Variants in ADGRG6 observed in about 807,000 individuals in gnomAD.
The protein encoded by ADGRG6 is G-protein coupled receptor 126.
Under a neutral mutation model 142.4 loss-of-function variants are expected in ADGRG6, and 84 were observed. The observed-to-expected ratio is 0.59, with a 90% CI of 0.49 to 0.71. ADGRG6 has a LOEUF of 0.71. ADGRG6 is among the 30% of genes least tolerant of loss of function. ADGRG6 has a pLI of 0.00. For missense variants in ADGRG6, 1,367 were observed against 1,466.6 expected, an observed-to-expected ratio of 0.93 and a Z score of 1.11; for synonymous variants, 521 against 520.5, an observed-to-expected ratio of 1.00 and a Z score of -0.01.
chr6:142,425,993 C>T (rs1414775797), intron 22 of ADGRG6, among the ~76,000 whole-genome samples: 1 of 152,126 alleles, frequency 6.6e-6, no homozygotes, highest in East Asian at 1.9e-4. Flanking sequence ...CCACTGGGTT[C>T]CTCCCATGAT....
At chr6:142,387,312 T>C (rs971651154) in intron 6 of ADGRG6, among the ~76,000 whole-genome samples, 3 of 152,210 alleles carry the variant, frequency 2.0e-5, no homozygotes, top group African/African-American at 7.2e-5. Context: ...AGTAAGGAAT[T>C]AACTCCATTA....
chr6:142,392,267 C>T (rs904143303), intron 7 of ADGRG6, among the ~76,000 whole-genome samples: 2 of 151,902 alleles, frequency 1.3e-5, no homozygotes, highest in Admixed American at 1.3e-4. Flanking sequence ...GAGGGAATCT[C>T]GTTTTGCAGT....
chr6:142,420,051 G>A lies in ADGRG6; in HGVS notation c.3266G>A (p.Gly1089Glu), dbSNP rs1316297085. 3.1e-6 allele frequency: 5 copies of A among 1,613,262 alleles called. No individual in the cohort carries two copies. The highest frequency in any genetic ancestry group is 2.2e-5 in the East Asian group (1 of 44,860). Residue 1089 changes from glycine to glutamate, a missense_variant, in exon 22 of 25, where the codon GGA (glycine) becomes GAA (glutamate). This residue lies in a region of ADGRG6 where 344 missense variants were observed against 348.7 expected (regional missense o/e 0.99). Transcript: ENST00000367609. ...MTWGFAFFAW[G>E]PLNIPFMYLF... The stretch of plus-strand genomic sequence containing the variant: ...TGGGGTTTTGCATTCTTTGCCTGGG[G>A]ACCCTTAAATATCCCCTTCATGTAC...
chr6:142,392,845 C>T (rs1454962334), intron 7 of ADGRG6, 103 bp from the exon 8 acceptor site: 2 of 737,002 alleles, frequency 2.7e-6, no homozygotes, highest in African/African-American at 3.5e-5. Flanking sequence ...AGGATTTTCC[C>T]AGGGTCTTAT....
At chr6:142,390,619 T>C (rs557457176) in intron 7 of ADGRG6, among the ~76,000 whole-genome samples, 1 of 152,012 alleles carries the variant, frequency 6.6e-6, no homozygotes, top group South Asian at 2.1e-4. Context: ...CAGGTATCTG[T>C]ATTTCATATT....
chr6:142,443,897 A>G lies in ADGRG6; in HGVS notation c.*382A>G, dbSNP rs9496381. The G allele has an allele frequency of 0.014, 2,133 of 155,310 alleles. 54 individuals are homozygous for G. Among genetic ancestry groups the G allele is most frequent in the African/African-American group, 0.048 (2,018 of 41,652 alleles). 9.6% of individuals were successfully genotyped at this position (155,310 alleles called of 1,614,324 possible). A position where few individuals can be genotyped will look rare whatever the true frequency, so the allele number is the denominator to read the frequency against. ...CCACCTAATCGTTATATCTGGATAT[A>G]CCCATTTTCTGCATCTTCTTTCTCA... On this transcript the variant is annotated 3_prime_UTR_variant, in exon 25 of 25. Coordinates refer to ENST00000367609, the MANE Select transcript of ADGRG6 (RefSeq NM_198569.3).
At chr6:142,393,808 C>A in intron 8 of ADGRG6, 88 bp from the exon 9 acceptor site, 1 of 781,760 alleles carries the variant, frequency 1.3e-6, no homozygotes, top group Non-Finnish European at 2.2e-6. Flanking sequence ...AATTCCCATT[C>A]TGTCTCTTTA....
rs949653257 is a variant in ADGRG6, at chr6:142,383,951, T to C, written c.1222+108T>C. 4.7e-6 allele frequency: 3 copies of C among 644,960 alleles called. No homozygotes were observed. The East Asian group carries it at 8.1e-5, about 17-fold the overall frequency. 40.0% of individuals were successfully genotyped at this position (644,960 alleles called of 1,614,324 possible). ...ACAAAGTGTCTGTTACTGGAGTCAA[T>C]TGGTACATTTGTAGGTTTACAAGAT... On this transcript the variant is annotated intron_variant, in intron 6 of 24. Coordinates refer to ENST00000367609, the MANE Select transcript of ADGRG6 (RefSeq NM_198569.3).
chr6:142,319,161 CAT>C (rs1199975216), intron 2 of ADGRG6, among the ~76,000 whole-genome samples: 2 of 152,132 alleles, frequency 1.3e-5, no homozygotes, highest in African/African-American at 4.8e-5. Flanking sequence ...CCCTGACACA[CAT>C]ATTGAAAACC....
chr6:142,391,434 TACACACACAC>T (rs35253608), intron 7 of ADGRG6, among the ~76,000 whole-genome samples: 2,171 of 132,456 alleles, frequency 0.016, 61 homozygotes, highest in African/African-American at 0.055. Flanking sequence ...AAGTGGTAGC[TACACACACAC>T]ACACACACAC....
At chr6:142,322,911 A>G (rs566459357) in intron 2 of ADGRG6, among the ~76,000 whole-genome samples, 2 of 152,152 alleles carry the variant, frequency 1.3e-5, no homozygotes, top group East Asian at 1.9e-4. Context: ...AGCATGAACC[A>G]GAAAGTACAT....
intron 4 of ADGRG6, among the ~76,000 whole-genome samples, chr6:142,372,922 T>G (rs1781323499): frequency 6.6e-6 from 1 of 152,214 alleles, no homozygotes; most frequent in South Asian, 2.1e-4. Context: ...GTTTTGAAGA[T>G]GTCAGCAACC....
chr6:142,336,195 ATTTGTAAT>A lies in ADGRG6; in HGVS notation c.103+26556_103+26563del, dbSNP rs537613560. ...AGGATAAAGGCTTTATGTGGGATAA[ATTTGTAAT>A]TTTGATTCAAACTCCAGTGGAAGAC... On this transcript the variant is annotated intron_variant, in intron 2 of 24. Coordinates refer to ENST00000367609, the MANE Select transcript of ADGRG6 (RefSeq NM_198569.3). Among the ~76,000 whole-genome samples, 979 of 152,282 alleles carry A rather than the reference ATTTGTAAT, an allele frequency of 6.4e-3. 4 individuals are homozygous for A. The highest frequency in any genetic ancestry group is 0.01 in the Non-Finnish European group (713 of 68,024).
chr6:142,307,812 C>A (rs1221186776), intron 1 of ADGRG6, among the ~76,000 whole-genome samples: 1 of 151,990 alleles, frequency 6.6e-6, no homozygotes, highest in Non-Finnish European at 1.5e-5. Context: ...AAGAGATACT[C>A]TTCAAATCTT....
chr6:142,433,136 C>T (rs1191212953), intron 22 of ADGRG6, among the ~76,000 whole-genome samples: 2 of 152,130 alleles, frequency 1.3e-5, no homozygotes, highest in Non-Finnish European at 2.9e-5. Flanking sequence ...ACAAAAATAC[C>T]TCCAAGAACA....
At chr6:142,352,478 G>A (rs1483493505) in intron 2 of ADGRG6, among the ~76,000 whole-genome samples, 1 of 152,104 alleles carries the variant, frequency 6.6e-6, no homozygotes, top group Non-Finnish European at 1.5e-5. Context: ...GGGGAGGATG[G>A]AAAGAGGGTG....
At chr6:142,422,234 T>A (rs1776692137) in intron 22 of ADGRG6, among the ~76,000 whole-genome samples, 1 of 151,926 alleles carries the variant, frequency 6.6e-6, no homozygotes, top group Non-Finnish European at 1.5e-5. Context: ...TACATATGTA[T>A]ACATATGCCA....
intron 21 of ADGRG6, among the ~76,000 whole-genome samples, chr6:142,418,311 A>C (rs1776473963): frequency 1.3e-5 from 2 of 151,184 alleles, no homozygotes; most frequent in Non-Finnish European, 3.0e-5. Flanking sequence ...AAAAAAAAAA[A>C]AAAAAAACCC....
intron 2 of ADGRG6, among the ~76,000 whole-genome samples, chr6:142,317,608 C>T (rs944410228): frequency 6.9e-6 from 1 of 145,418 alleles, no homozygotes; most frequent in African/African-American, 2.6e-5. Flanking sequence ...AAGGCTATGT[C>T]ATTGTAATAT....
Sources: allele counts gnomAD v4.1 joint callset (sites outside exome capture counted in the v4.1 genomes callset), GRCh38; gene constraint gnomAD v4.1.1; regional missense constraint gnomAD v4.1.1; transcripts MANE v1.5; gene names NCBI Gene and HGNC (gene_info 2026-07-23, HGNC 2026-07-21).